The following NAA35 variants were observed in gnomAD, a reference collection of about 807,000 sequenced individuals.
NAA35 encodes the protein N-alpha-acetyltransferase 35, NatC auxiliary subunit.
In NAA35, 18 loss-of-function variants were observed where a neutral mutation model predicts 101.7. The ratio of observed to expected loss-of-function variants is 0.18; its 90% CI spans 0.12 to 0.26. NAA35 has a LOEUF of 0.26. NAA35 is among the 10% of genes least tolerant of loss of function. NAA35 has a pLI of 1.00. For missense variants in NAA35, 601 were observed against 886.8 expected (o/e 0.68, Z 4.09); for synonymous variants, 267 against 273.1 (o/e 0.98, Z 0.22).
intron 12 of NAA35, among the ~76,000 whole-genome samples, chr9:86,000,436 T>A (rs1453551318): frequency 6.7e-6 from 1 of 150,054 alleles, no homozygotes; most frequent in Non-Finnish European, 1.5e-5. Context: ...GAGAAGTCCC[T>A]CCTCAGTTTT....
At chr9:85,984,832 G>A (rs189168857) in intron 11 of NAA35, among the ~76,000 whole-genome samples, 1 of 152,280 alleles carries the variant, frequency 6.6e-6, no homozygotes, top group East Asian at 1.9e-4. Context: ...GGAGGATAAA[G>A]TTGGATACTC....
intron 11 of NAA35, among the ~76,000 whole-genome samples, chr9:85,992,772 T>C (rs1031069139): frequency 1.3e-5 from 2 of 152,200 alleles, no homozygotes; most frequent in Non-Finnish European, 2.9e-5. Flanking sequence ...TGAAGAAGTT[T>C]GTGAAACTTG....
Position 85,975,043 on chromosome 9 carries a change from T to C in NAA35, c.583+10T>C. ...GATCTTCGAGTTACAGGTAAAATTATTTTTAAAGTTAATTCACAAGTTTTA... is the reference window on the plus strand; with the variant it reads ...GATCTTCGAGTTACAGGTAAAATTACTTTTAAAGTTAATTCACAAGTTTTA... On this transcript the variant is annotated intron_variant, in intron 7 of 22. Coordinates refer to ENST00000361671, the MANE Select transcript of NAA35 (RefSeq NM_024635.4). The C allele has an allele frequency of 6.2e-7, 1 of 1,612,340 alleles. No homozygotes were observed.
chr9:85,975,278 G>A (rs1461151651), intron 8 of NAA35, 121 bp downstream of exon 8: 2 of 994,704 alleles, frequency 2.0e-6, no homozygotes, highest in Non-Finnish European at 2.9e-6. Flanking sequence ...TTTTTTTTTT[G>A]TAATGAATTT....
chr9:85,961,971 C>T (rs556832181), intron 5 of NAA35, 42 bp from the exon 6 acceptor site: 4 of 1,503,336 alleles, frequency 2.7e-6, no homozygotes, highest in South Asian at 2.7e-5. Flanking sequence ...TTTGCAGACT[C>T]AGTTTATCAC....
At position 86,004,659 on chromosome 9, in the gene NAA35, A is replaced by G. The variant is rs192999046; in HGVS notation, c.1116+1015A>G. On this transcript the variant is annotated intron_variant, in intron 13 of 22. Transcript: ENST00000361671. ...TTCTTTGAAAATATTCATGAAGTCA[A>G]TGAACCTCTAATGAGGCATAATAAG... 1.6e-3 allele frequency among the ~76,000 whole-genome samples: 249 copies of G among 152,326 alleles called. 1 individual carries two copies. Among genetic ancestry groups the G allele is most frequent in the African/African-American group, 3.8e-3 (157 of 41,588 alleles).
chr9:85,960,227 G>C lies in NAA35; in HGVS notation c.348+360G>C, dbSNP rs1469807162. Among the ~76,000 whole-genome samples, 13 of 152,254 alleles carry C rather than the reference G, an allele frequency of 8.5e-5. No homozygotes were observed. In the East Asian group the frequency reaches 2.5e-3, roughly 29 times the overall value. The stretch of plus-strand genomic sequence containing the variant: ...AGCTATTATGCAATGGCTTTGGAGA[G>C]ATTTTTTCTAATCTAGGATAAATTG... On this transcript the variant is annotated intron_variant, in intron 5 of 22. Coordinates refer to ENST00000361671, the MANE Select transcript of NAA35 (RefSeq NM_024635.4).
intron 2 of NAA35, among the ~76,000 whole-genome samples, chr9:85,954,323 T>C (rs1330618913): frequency 1.3e-5 from 2 of 152,210 alleles, no homozygotes; most frequent in African/African-American, 2.4e-5. Context: ...GCTTAGGCAG[T>C]CCTCCTGCCT....
In NAA35 at chr9:86,007,484, T is replaced by C; in HGVS notation, c.1223+20T>C. Reference sequence around the variant, plus strand: ...CCCCAAGTAAGTATTGTAAGACATTTTAGAGTTGTATGTATGTGCTCCTTT... The same window carrying C: ...CCCCAAGTAAGTATTGTAAGACATTCTAGAGTTGTATGTATGTGCTCCTTT... On this transcript the variant is annotated intron_variant, in intron 14 of 22. Transcript: ENST00000361671. 1.3e-6 allele frequency: 2 copies of C among 1,595,900 alleles called. No individual in the cohort carries two copies. Among genetic ancestry groups the C allele is most frequent in the Non-Finnish European group, 1.7e-6 (2 of 1,163,998 alleles).
intron 11 of NAA35, among the ~76,000 whole-genome samples, chr9:85,980,484 C>T (rs1307682570): frequency 6.6e-6 from 1 of 152,152 alleles, no homozygotes; most frequent in African/African-American, 2.4e-5. Context: ...TAGGAGTTAA[C>T]GTTAGGAAAC....
At chr9:85,971,779 T>C (rs559746291) in intron 6 of NAA35, among the ~76,000 whole-genome samples, 19 of 152,264 alleles carry the variant, frequency 1.2e-4, no homozygotes, top group African/African-American at 4.1e-4. Context: ...GTTTACCTCA[T>C]ATCCACATTC....
intron 2 of NAA35, among the ~76,000 whole-genome samples, chr9:85,955,711 T>C (rs1829248060): frequency 6.6e-6 from 1 of 152,174 alleles, no homozygotes; most frequent in Non-Finnish European, 1.5e-5. Flanking sequence ...GATTTCTGAC[T>C]TACCTGCATA....
intron 7 of NAA35, 36 bp from the exon 8 acceptor site, chr9:85,975,078 A>T: frequency 6.2e-7 from 1 of 1,611,750 alleles, no homozygotes; most frequent in Non-Finnish European, 8.5e-7. Flanking sequence ...ACATTTTCAT[A>T]TGTTTCCTTT....
At chr9:85,998,076 A>T (rs946662964) in intron 12 of NAA35, among the ~76,000 whole-genome samples, 1 of 151,984 alleles carries the variant, frequency 6.6e-6, no homozygotes, top group Non-Finnish European at 1.5e-5. Flanking sequence ...CACCACGCCC[A>T]GCTAATTTTT....
At chr9:85,982,325 G>C (rs547669480) in intron 11 of NAA35, among the ~76,000 whole-genome samples, 14 of 152,264 alleles carry the variant, frequency 9.2e-5, no homozygotes, top group Admixed American at 7.2e-4. Flanking sequence ...TATTGTTGTT[G>C]AAGGAAGAAA....
intron 16 of NAA35, 70 bp from the exon 17 acceptor site, chr9:86,013,648 GT>G: frequency 7.1e-7 from 1 of 1,409,232 alleles, no homozygotes; most frequent in Non-Finnish European, 9.7e-7. Flanking sequence ...TTAGCTGTAC[GT>G]TTTTTTAAAG....
intron 6 of NAA35, chr9:85,966,554 TTC>T: frequency 2.0e-6 from 2 of 1,010,350 alleles, no homozygotes; most frequent in African/African-American, 1.7e-5. Context: ...GATTTTTTCT[TTC>T]TTTCTTTTTT....
rs763748433 is a variant in NAA35 at position 85,942,205 on chromosome 9, C to G, written c.46C>G (p.Leu16Val). ...AGATGATGACGATTCAGGATGGGAG[C>G]TCAGTATGCCAGAAAAAATGGAGAA... ...SVDDDDSGWELSMPEKMEKSN... is the reference protein window; with the variant it reads ...SVDDDDSGWEVSMPEKMEKSN... The change falls in exon 2 of 23, where the codon CTC becomes GTC. Residue 16 changes from leucine (L) to valine (V), a missense_variant. Physicochemically the swap from Leu to Val is conservative, Grantham distance 32 (BLOSUM62 1). Coordinates refer to ENST00000361671, the MANE Select transcript of NAA35 (RefSeq NM_024635.4). 2.5e-6 allele frequency: 4 copies of G among 1,613,988 alleles called. No individual in the cohort carries two copies. The highest frequency in any genetic ancestry group is 1.7e-5 in the Admixed American group (1 of 59,988).
chr9:85,971,361 CTT>C (rs1829991544), intron 6 of NAA35, among the ~76,000 whole-genome samples: 2 of 152,100 alleles, frequency 1.3e-5, no homozygotes, highest in Admixed American at 6.6e-5. Flanking sequence ...ACTTTTTTCT[CTT>C]TGTCTTCTTA....
Sources: gnomAD v4.1 joint callset for allele counts (sites outside exome capture counted in the v4.1 genomes callset) on GRCh38, gnomAD v4.1.1 for gene constraint, MANE v1.5 for transcripts, NCBI Gene and HGNC (gene_info 2026-07-23, HGNC 2026-07-21) for gene names.